S100A8: variants seen among roughly 807,000 people sequenced by gnomAD.
S100A8 encodes the protein protein S100-A8.
Under a neutral mutation model 4.2 loss-of-function variants are expected in S100A8, and 1 was observed. The ratio of observed to expected loss-of-function variants is 0.24; its 90% CI spans 0.08 to 1.12. The LOEUF (loss-of-function observed/expected upper bound fraction) is 1.12, where lower values mean the gene tolerates loss of function less well. S100A8 is among the 50% of genes most tolerant of loss of function. The pLI is 0.53. For synonymous variants in S100A8, 41 were observed against 44.7 expected (o/e 0.92, Z 0.33); for missense variants, 96 against 111.8 (o/e 0.86, Z 0.64).
At chr1:153,408,863 T>C in the S100A8 span, among the ~76,000 whole-genome samples, 1 of 152,322 alleles carries the variant, frequency 6.6e-6, no homozygotes, top group African/African-American at 2.4e-5. Flanking sequence ...CAGAATTTCA[T>C]ATCCAGCCAA....
chr1:153,391,525 C>T (rs532469655), upstream of S100A8, among the ~76,000 whole-genome samples: 12 of 152,238 alleles, frequency 7.9e-5, no homozygotes, highest in South Asian at 2.1e-3. Context: ...GTCCAAAGAC[C>T]GCAAAAGGGT....
the S100A8 span, chr1:153,419,098 T>A: frequency 3.4e-5 from 54 of 1,599,248 alleles, no homozygotes; most frequent in Non-Finnish European, 4.5e-5. Context: ...AGCCCAAAAC[T>A]TGTTTGTGAT....
At chr1:153,421,548 A>T in the S100A8 span, 1 of 152,222 alleles carries the variant, frequency 6.6e-6, no homozygotes, top group African/African-American at 2.4e-5. Context: ...AGCAGTGTAA[A>T]ATCCAAAAAC....
At chr1:153,402,483 G>A in the S100A8 span, among the ~76,000 whole-genome samples, 2 of 152,196 alleles carry the variant, frequency 1.3e-5, no homozygotes, top group African/African-American at 4.8e-5. Context: ...AGCCAGCCTG[G>A]GCTGACAGAG....
the S100A8 span, among the ~76,000 whole-genome samples, chr1:153,401,826 A>G: frequency 2.0e-5 from 3 of 152,182 alleles, no homozygotes; most frequent in African/African-American, 4.8e-5. Context: ...GAAATCTCAT[A>G]TGGTACTTGA....
upstream of S100A8, among the ~76,000 whole-genome samples, chr1:153,393,431 A>G (rs1662147424): frequency 6.6e-6 from 1 of 152,220 alleles, no homozygotes; most frequent in Non-Finnish European, 1.5e-5. Flanking sequence ...CAGCTACTAC[A>G]TGTTCAATTA....
At chr1:153,402,127 G>A in the S100A8 span, among the ~76,000 whole-genome samples, 1 of 152,330 alleles carries the variant, frequency 6.6e-6, no homozygotes, top group South Asian at 2.1e-4. Flanking sequence ...GAGTCCCTAG[G>A]CTGCTTCTGT....
At chr1:153,407,743 C>T in the S100A8 span, among the ~76,000 whole-genome samples, 2 of 152,190 alleles carry the variant, frequency 1.3e-5, no homozygotes, top group African/African-American at 2.4e-5. Context: ...ACACCTCATA[C>T]AGCCAGGTGC....
At chr1:153,408,480 A>G in the S100A8 span, among the ~76,000 whole-genome samples, 1 of 152,242 alleles carries the variant, frequency 6.6e-6, no homozygotes, top group Non-Finnish European at 1.5e-5. Context: ...GACTATGTGA[A>G]AAGACCAAAT....
chr1:153,401,653 C>T, the S100A8 span, among the ~76,000 whole-genome samples: 43 of 152,118 alleles, frequency 2.8e-4, no homozygotes, highest in Non-Finnish European at 4.4e-4. Context: ...AGGAGGTTAC[C>T]CGAAACTGGC....
At chr1:153,419,610 T>C in the S100A8 span, 2 of 396,180 alleles carry the variant, frequency 5.0e-6, no homozygotes, top group Non-Finnish European at 9.1e-6. Context: ...CAGGTGGAAG[T>C]TGGTAGAAGG....
the S100A8 span, among the ~76,000 whole-genome samples, chr1:153,399,092 T>C: frequency 6.6e-6 from 1 of 152,186 alleles, no homozygotes; most frequent in African/African-American, 2.4e-5. Flanking sequence ...CCTGTCACTG[T>C]TGGGGTGAGT....
At chr1:153,418,132 T>C in the S100A8 span, 2 of 1,614,138 alleles carry the variant, frequency 1.2e-6, no homozygotes, top group Non-Finnish European at 1.7e-6. Context: ...ATCGACATGT[T>C]TCACAAATAC....
At chr1:153,405,350 A>T in the S100A8 span, among the ~76,000 whole-genome samples, 3,478 of 149,660 alleles carry the variant, frequency 0.023, 42 homozygotes, top group African/African-American at 0.081. Flanking sequence ...GTTAGTCCAA[A>T]CTGCACCATT....
the S100A8 span, among the ~76,000 whole-genome samples, chr1:153,401,692 C>T: frequency 3.3e-5 from 5 of 152,224 alleles, no homozygotes; most frequent in Admixed American, 6.5e-5. Flanking sequence ...CCGCTTCGGC[C>T]GCACCCAGGG....
chr1:153,407,903 G>A, the S100A8 span, among the ~76,000 whole-genome samples: 1 of 152,156 alleles, frequency 6.6e-6, no homozygotes, highest in Non-Finnish European at 1.5e-5. Flanking sequence ...TGCAGCTGAG[G>A]GTCCTGACTG....
At chr1:153,414,972 T>A in the S100A8 span, among the ~76,000 whole-genome samples, 1 of 152,208 alleles carries the variant, frequency 6.6e-6, no homozygotes, top group South Asian at 2.1e-4. Flanking sequence ...ACTCTCTCTC[T>A]ACCTCCATCT....
chr1:153,417,540 C>T, the S100A8 span, among the ~76,000 whole-genome samples: 1 of 152,208 alleles, frequency 6.6e-6, no homozygotes, highest in Non-Finnish European at 1.5e-5. Context: ...GCACCTGGAG[C>T]CTGCACGCAC....
chr1:153,404,893 G>C, the S100A8 span, among the ~76,000 whole-genome samples: 1 of 152,056 alleles, frequency 6.6e-6, no homozygotes, highest in Admixed American at 6.6e-5. Flanking sequence ...TGCCTCCGGC[G>C]ACAACCAGGG....
Sources: gnomAD v4.1 joint callset for allele counts (sites outside exome capture counted in the v4.1 genomes callset) on GRCh38, gnomAD v4.1.1 for gene constraint, MANE v1.5 for transcripts, NCBI Gene and HGNC (gene_info 2026-07-23, HGNC 2026-07-21) for gene names.